SH3KBP1: variants seen among roughly 807,000 people sequenced by gnomAD.
SH3KBP1 encodes the protein SH3 domain containing kinase binding protein 1.
In SH3KBP1, 8 loss-of-function variants were observed where a neutral mutation model predicts 50.1. The observed-to-expected ratio is 0.16, with a 90% CI of 0.09 to 0.29. The LOEUF (loss-of-function observed/expected upper bound fraction) is 0.29, where lower values mean the gene tolerates loss of function less well. Among genes scored for constraint, SH3KBP1 ranks in the 10% least tolerant of loss-of-function variants. The pLI, the probability that SH3KBP1 is intolerant of heterozygous loss-of-function variation, is 1.00. For missense variants in SH3KBP1, 377 were observed against 535.2 expected (o/e 0.70, Z 2.92); for synonymous variants, 227 against 218.6 (o/e 1.04, Z -0.34).
At chrX:19,828,262 GT>G (rs1180364750) in intron 2 of SH3KBP1, among the ~76,000 whole-genome samples, 34 of 103,638 alleles carry the variant, frequency 3.3e-4, no homozygotes, top group Non-Finnish European at 4.2e-4. Flanking sequence ...TTCCACTGAG[GT>G]TTTTTTTTTT....
At chrX:19,621,611 GA>G (rs1197567906) in intron 8 of SH3KBP1, among the ~76,000 whole-genome samples, 1 of 111,954 alleles carries the variant, frequency 8.9e-6, no homozygotes, top group Admixed American at 9.5e-5. Flanking sequence ...AAAATCAAAA[GA>G]AGAAGAATAT....
intron 14 of SH3KBP1, among the ~76,000 whole-genome samples, chrX:19,548,456 T>C (rs921439881): frequency 9.2e-6 from 1 of 109,286 alleles, no homozygotes; most frequent in African/African-American, 3.3e-5. Flanking sequence ...TGGGGTGGGG[T>C]GTGAAGAGGT....
intron 12 of SH3KBP1, among the ~76,000 whole-genome samples, chrX:19,574,047 T>C (rs956797407): frequency 1.8e-5 from 2 of 111,019 alleles, no homozygotes; most frequent in African/African-American, 6.5e-5. Context: ...GTCCTGTGAG[T>C]TGTGGCAAAT....
chrX:19,805,350 A>G (rs1487722687), intron 2 of SH3KBP1, among the ~76,000 whole-genome samples: 1 of 110,955 alleles, frequency 9.0e-6, no homozygotes. Context: ...TGTGGAACCA[A>G]AGCATTCCAC....
chrX:19,683,967 T>C lies in SH3KBP1; in HGVS notation c.582A>G (p.Glu194=), dbSNP rs1368549470. The C allele has an allele frequency of 8.3e-7, 1 of 1,211,374 alleles. No homozygotes were observed. The highest frequency in any genetic ancestry group is 1.1e-6 in the Non-Finnish European group (1 of 895,165). ...CAGTTGCCACTGTCCCGTTGGCACC[T>C]TCAGACTTGGTGCTGCTTGAGTCAC... ...DGGDSSSTKS[E]GANGTVATAA... The change falls in exon 6 of 18, where the codon GAA becomes GAG. Residue 194 remains glutamate, a synonymous_variant. Coordinates refer to ENST00000397821, the MANE Select transcript of SH3KBP1 (RefSeq NM_031892.3).
In SH3KBP1 at chrX:19,554,233, ATATAT is replaced by A. The variant is rs1430193318; in HGVS notation, c.1385-4155_1385-4151del. 1.3e-4 allele frequency among the ~76,000 whole-genome samples: 9 copies of A among 69,435 alleles called. No homozygotes were observed. In the East Asian group the frequency reaches 1.4e-3, roughly 11 times the overall value. 60.3% of individuals were successfully genotyped at this position (69,435 alleles called of 115,157 possible). On this transcript the variant is annotated intron_variant, in intron 13 of 17. Transcript: ENST00000397821. ...ATATAATATTATATATCATATTAAA[ATATAT>A]TATATATATTAAAATATATTATATA...
intron 1 of SH3KBP1, among the ~76,000 whole-genome samples, chrX:19,881,408 TAA>T (rs2069429158): frequency 9.0e-6 from 1 of 111,365 alleles, no homozygotes; most frequent in Non-Finnish European, 1.9e-5. Context: ...AAATGGGAAG[TAA>T]AAAGAGGCAG....
chrX:19,543,636 C>T (rs1025787819), intron 15 of SH3KBP1, among the ~76,000 whole-genome samples: 7 of 111,481 alleles, frequency 6.3e-5, no homozygotes, highest in African/African-American at 1.6e-4. Flanking sequence ...CATGCTCATG[C>T]GGAAGCCTCA....
chrX:19,662,975 T>C (rs1442451738), intron 6 of SH3KBP1, among the ~76,000 whole-genome samples: 1 of 111,311 alleles, frequency 9.0e-6, no homozygotes, highest in Non-Finnish European at 1.9e-5. Context: ...CATTCATTCT[T>C]CCATTCATTT....
chrX:19,670,826 A>G, intron 6 of SH3KBP1: 13 of 1,100,560 alleles, frequency 1.2e-5, no homozygotes, highest in Non-Finnish European at 1.4e-5. Flanking sequence ...TGGATTTATT[A>G]CAACTCTAAA....
At chrX:19,707,753 C>T (rs2063682475) in intron 3 of SH3KBP1, among the ~76,000 whole-genome samples, 1 of 112,272 alleles carries the variant, frequency 8.9e-6, no homozygotes, top group African/African-American at 3.2e-5. Context: ...GGTTCAAGTA[C>T]AGACACAACT....
chrX:19,831,161 A>G (rs760466060), intron 2 of SH3KBP1, among the ~76,000 whole-genome samples: 2 of 112,644 alleles, frequency 1.8e-5, no homozygotes, highest in East Asian at 5.6e-4. Flanking sequence ...TCACGCCTGT[A>G]ATCCCAGTAT....
chrX:19,658,628 G>A (rs898632329), intron 6 of SH3KBP1, among the ~76,000 whole-genome samples: 6 of 108,671 alleles, frequency 5.5e-5, no homozygotes, highest in South Asian at 4.0e-4. Context: ...GCAGTGGCGC[G>A]ATCTCAGCTC....
intron 3 of SH3KBP1, among the ~76,000 whole-genome samples, chrX:19,713,211 T>C (rs1196098678): frequency 1.8e-5 from 2 of 110,724 alleles, no homozygotes; most frequent in African/African-American, 6.6e-5. Flanking sequence ...AGCGAGACTC[T>C]GTCTCAAAAA....
chrX:19,722,312 G>A (rs1357695479), intron 3 of SH3KBP1, among the ~76,000 whole-genome samples: 1 of 111,618 alleles, frequency 9.0e-6, no homozygotes, highest in Non-Finnish European at 1.9e-5. Context: ...ATTTCTTCCA[G>A]GGAGGCCAGC....
At chrX:19,765,207 T>C (rs1381922574) in intron 2 of SH3KBP1, among the ~76,000 whole-genome samples, 2 of 110,242 alleles carry the variant, frequency 1.8e-5, no homozygotes, top group Non-Finnish European at 1.9e-5. Flanking sequence ...CTGAACTGAA[T>C]AGTCCTTAGT....
chrX:19,835,710 C>T (rs889055291), intron 2 of SH3KBP1, among the ~76,000 whole-genome samples: 6 of 109,276 alleles, frequency 5.5e-5, no homozygotes, highest in African/African-American at 2.0e-4. Context: ...TCCCGAGTAG[C>T]TGGGACTACA....
chrX:19,886,444 T>G (rs2147594521), intron 1 of SH3KBP1, among the ~76,000 whole-genome samples: 2 of 112,240 alleles, frequency 1.8e-5, no homozygotes, highest in South Asian at 7.3e-4. Flanking sequence ...ATAGCCCAAG[T>G]AATCATAAGT....
chrX:19,657,956 T>C (rs1490991516), intron 6 of SH3KBP1, among the ~76,000 whole-genome samples: 1 of 110,059 alleles, frequency 9.1e-6, no homozygotes, highest in African/African-American at 3.3e-5. Flanking sequence ...AGTTTCAATT[T>C]TGCAAGATAA....
Sources: gnomAD v4.1 joint callset for allele counts (sites outside exome capture counted in the v4.1 genomes callset) on GRCh38, gnomAD v4.1.1 for gene constraint, MANE v1.5 for transcripts, NCBI Gene and HGNC (gene_info 2026-07-23, HGNC 2026-07-21) for gene names.